The following HCN1 variants were observed in gnomAD, a reference collection of about 807,000 sequenced individuals.
HCN1 encodes hyperpolarization activated cyclic nucleotide gated potassium channel 1.
HCN1 carries 13 observed loss-of-function variants against 78.9 expected under a neutral mutation model. The ratio of observed to expected loss-of-function variants is 0.16; its 90% confidence interval spans 0.11 to 0.26. The LOEUF (loss-of-function observed/expected upper bound fraction) is 0.26, where lower values mean the gene tolerates loss of function less well. HCN1 is among the 10% of genes least tolerant of loss of function. The pLI is 1.00. For synonymous variants in HCN1, 552 were observed against 455.5 expected, an observed-to-expected ratio of 1.21 and a Z score of -2.70; for missense variants, 810 against 1,154.3, an observed-to-expected ratio of 0.70 and a Z score of 4.32.
chr5:45,546,177 C>T (rs1033830091), intron 2 of HCN1, among the ~76,000 whole-genome samples: 1 of 151,946 alleles, frequency 6.6e-6, no homozygotes, highest in Non-Finnish European at 1.5e-5. Flanking sequence ...CATAACAATT[C>T]TTCATGTCCA....
At chr5:45,294,347 G>A (rs1259839493) in intron 6 of HCN1, among the ~76,000 whole-genome samples, 1 of 151,962 alleles carries the variant, frequency 6.6e-6, no homozygotes, top group Non-Finnish European at 1.5e-5. Context: ...GTATCTGCCA[G>A]TCCCTTCACA....
At chr5:45,514,622 C>G (rs868765661) in intron 2 of HCN1, among the ~76,000 whole-genome samples, 3 of 152,078 alleles carry the variant, frequency 2.0e-5, no homozygotes, top group Non-Finnish European at 4.4e-5. Context: ...TTTGTTCCTG[C>G]TTGTTGATCT....
intron 2 of HCN1, among the ~76,000 whole-genome samples, chr5:45,636,455 G>A (rs868786260): frequency 2.6e-5 from 4 of 152,220 alleles, no homozygotes; most frequent in East Asian, 1.9e-4. Flanking sequence ...ACATCTATTC[G>A]GAAACTGGAC....
chr5:45,296,537 T>A (rs1368409397), intron 6 of HCN1, among the ~76,000 whole-genome samples: 1 of 151,900 alleles, frequency 6.6e-6, no homozygotes, highest in Non-Finnish European at 1.5e-5. Flanking sequence ...GAAAAATCAG[T>A]ATTCTAAGCT....
intron 5 of HCN1, among the ~76,000 whole-genome samples, chr5:45,321,655 A>C (rs1746129063): frequency 6.6e-6 from 1 of 151,990 alleles, no homozygotes; most frequent in South Asian, 2.1e-4. Context: ...TATTTCTTAG[A>C]CAATTTACAT....
intron 1 of HCN1, among the ~76,000 whole-genome samples, chr5:45,688,135 CTCTT>C (rs1279253588): frequency 6.6e-6 from 1 of 152,074 alleles, no homozygotes; most frequent in East Asian, 1.9e-4. Context: ...CTGATGTCTC[CTCTT>C]TCTTCTACTT....
chr5:45,339,914 T>C (rs1297277662), intron 5 of HCN1, among the ~76,000 whole-genome samples: 1 of 152,100 alleles, frequency 6.6e-6, no homozygotes, highest in Non-Finnish European at 1.5e-5. Context: ...TTTTAATTTA[T>C]GTATGTATTT....
At chr5:45,363,576 A>G (rs1747168195) in intron 4 of HCN1, among the ~76,000 whole-genome samples, 2 of 152,032 alleles carry the variant, frequency 1.3e-5, no homozygotes, top group Middle Eastern at 3.4e-3. Flanking sequence ...TTCCTTTTTC[A>G]TGGTGATATG....
chr5:45,372,267 ATATT>A (rs1281513158), intron 4 of HCN1, among the ~76,000 whole-genome samples: 1 of 86,756 alleles, frequency 1.2e-5, no homozygotes, highest in Non-Finnish European at 2.0e-5. Flanking sequence ...ATTTATATAT[ATATT>A]TATATATATA....
chr5:45,262,385 G>T lies in HCN1; in HGVS notation c.2209C>A (p.Gln737Lys). 6.2e-7 allele frequency: 1 copy of T among 1,611,494 alleles called. No homozygotes were observed. The change falls in exon 8 of 8, where the codon CAG (glutamine) becomes AAG (lysine). Residue 737 changes from glutamine (Q) to lysine (K), a missense_variant. Coordinates refer to ENST00000303230, the MANE Select transcript of HCN1 (RefSeq NM_021072.4). Reference protein sequence around the residue: ...LSLMQQQPQQQVQQSQPPQTQ... With the variant: ...LSLMQQQPQQKVQQSQPPQTQ... ...TGCGGCGGCTGGGACTGCTGTACCTGCTGCTGCGGCTGCTGTTGCATGAGT... is the reference window on the plus strand; with the variant it reads ...TGCGGCGGCTGGGACTGCTGTACCTTCTGCTGCGGCTGCTGTTGCATGAGT...
intron 3 of HCN1, among the ~76,000 whole-genome samples, chr5:45,419,729 G>C (rs1740189946): frequency 6.6e-6 from 1 of 152,104 alleles, no homozygotes; most frequent in African/African-American, 2.4e-5. Flanking sequence ...CAGTGAGCTG[G>C]CTGTGTTTCC....
At chr5:45,577,789 A>T (rs1743978750) in intron 2 of HCN1, among the ~76,000 whole-genome samples, 1 of 152,054 alleles carries the variant, frequency 6.6e-6, no homozygotes, top group Non-Finnish European at 1.5e-5. Context: ...TATTTCCTTA[A>T]ATGTACTTAG....
chr5:45,319,895 C>G (rs749279547), intron 5 of HCN1, among the ~76,000 whole-genome samples: 28 of 151,814 alleles, frequency 1.8e-4, no homozygotes, highest in Non-Finnish European at 4.0e-4. Flanking sequence ...AGCACTGTAA[C>G]TTTATATTGA....
intron 4 of HCN1, among the ~76,000 whole-genome samples, chr5:45,374,047 T>TATATATA (rs1747518923): frequency 1.0e-5 from 1 of 95,836 alleles, no homozygotes. Context: ...TAATATATAT[T>TATATATA]ATATATATTA....
intron 2 of HCN1, among the ~76,000 whole-genome samples, chr5:45,563,344 C>T (rs1015128691): frequency 3.3e-5 from 5 of 151,636 alleles, no homozygotes; most frequent in African/African-American, 7.3e-5. Flanking sequence ...CCCAGCTACT[C>T]GGGAGGGTGA....
At chr5:45,344,669 C>T (rs751844951) in intron 5 of HCN1, among the ~76,000 whole-genome samples, 9 of 152,188 alleles carry the variant, frequency 5.9e-5, no homozygotes, top group Non-Finnish European at 1.3e-4. Flanking sequence ...AAAATGACCT[C>T]CTTTGACTCC....
chr5:45,264,092 T>A (rs1174362537), intron 7 of HCN1, among the ~76,000 whole-genome samples: 1 of 152,060 alleles, frequency 6.6e-6, no homozygotes, highest in Non-Finnish European at 1.5e-5. Context: ...CACGCCCAGC[T>A]TCCCCAGGGA....
At chr5:45,527,759 C>A (rs912246112) in intron 2 of HCN1, among the ~76,000 whole-genome samples, 4 of 151,868 alleles carry the variant, frequency 2.6e-5, no homozygotes, top group Non-Finnish European at 5.9e-5. Context: ...GAATAGAATG[C>A]GAGGGGACTG....
At chr5:45,571,669 C>T (rs990722040) in intron 2 of HCN1, among the ~76,000 whole-genome samples, 1 of 152,116 alleles carries the variant, frequency 6.6e-6, no homozygotes, top group Non-Finnish European at 1.5e-5. Context: ...AATCCCAGCA[C>T]TTTGGGAGGC....
Sources: allele counts gnomAD v4.1 joint callset (sites outside exome capture counted in the v4.1 genomes callset), GRCh38; gene constraint gnomAD v4.1.1; transcripts MANE v1.5; gene names NCBI Gene and HGNC (gene_info 2026-07-23, HGNC 2026-07-21).